The following ABCA13 variants were observed in gnomAD, a reference collection of about 807,000 sequenced individuals.
The protein encoded by ABCA13 is ATP-binding cassette sub-family A member 13.
In ABCA13, 476 loss-of-function variants were observed where a neutral mutation model predicts 478.7. The ratio of observed to expected loss-of-function variants is 0.99; its 90% CI spans 0.92 to 1.07. The LOEUF (loss-of-function observed/expected upper bound fraction) is 1.07. Among genes scored for constraint, ABCA13 ranks in the 50% least tolerant of loss-of-function variants. The pLI is 0.00. For missense variants in ABCA13, 6,060 were observed against 5,910.6 expected (o/e 1.03, Z -0.83); for synonymous variants, 2,252 against 2,158.9 (o/e 1.04, Z -1.20).
chr7:48,626,559 A>G, intron 59 of ABCA13: 1 of 943,654 alleles, frequency 1.1e-6, no homozygotes, highest in Non-Finnish European at 1.3e-6. Flanking sequence ...AAGAAACAGG[A>G]GAATAACTGG....
In ABCA13 at chr7:48,644,763, T is replaced by C. The variant is rs758226686; in HGVS notation, c.15081+9T>C. 5.1e-6 allele frequency: 8 copies of C among 1,577,532 alleles called. No individual in the cohort carries two copies. Among genetic ancestry groups the C allele is most frequent in the South Asian group, 2.4e-5 (2 of 81,876 alleles). Reference sequence around the variant, plus strand: ...AAACCACTTTGGAGCAGGTATAGTATCTTGAATGATTCAGGAGGTTGAATT... The same window carrying C: ...AAACCACTTTGGAGCAGGTATAGTACCTTGAATGATTCAGGAGGTTGAATT... On this transcript the variant is annotated intron_variant, in intron 61 of 61. Transcript: ENST00000435803.
intron 35 of ABCA13, among the ~76,000 whole-genome samples, chr7:48,379,544 A>C (rs570585859): frequency 2.6e-5 from 4 of 152,326 alleles, no homozygotes; most frequent in Non-Finnish European, 5.9e-5. Context: ...ATGCATCGGA[A>C]CACAGAATGA....
At chr7:48,546,122 A>G (rs1585763307) in intron 55 of ABCA13, among the ~76,000 whole-genome samples, 1 of 151,934 alleles carries the variant, frequency 6.6e-6, no homozygotes, top group African/African-American at 2.4e-5. Flanking sequence ...AGGTCACCAC[A>G]AAGTAAGAAA....
chr7:48,291,788 A>G (rs1236257848), intron 20 of ABCA13, among the ~76,000 whole-genome samples: 1 of 151,978 alleles, frequency 6.6e-6, no homozygotes, highest in Non-Finnish European at 1.5e-5. Flanking sequence ...ACACCACTCC[A>G]CCTGCTCAGT....
At chr7:48,609,322 A>G (rs1337146815) in intron 58 of ABCA13, among the ~76,000 whole-genome samples, 3 of 152,122 alleles carry the variant, frequency 2.0e-5, no homozygotes, top group Non-Finnish European at 4.4e-5. Context: ...ATATATATTC[A>G]TTTCCATAAA....
At chr7:48,560,842 A>T (rs897269510) in intron 55 of ABCA13, among the ~76,000 whole-genome samples, 3 of 152,132 alleles carry the variant, frequency 2.0e-5, no homozygotes, top group African/African-American at 7.2e-5. Flanking sequence ...GTATGCTTTG[A>T]CTATTATCTT....
intron 1 of ABCA13, among the ~76,000 whole-genome samples, chr7:48,191,135 C>G (rs1797051299): frequency 6.6e-6 from 1 of 152,192 alleles, no homozygotes; most frequent in Admixed American, 6.5e-5. Context: ...CCCACCACCT[C>G]CCTACCCCAA....
rs781046236 is a variant in ABCA13, at chr7:48,276,022, T to C, written c.6356T>C (p.Ile2119Thr). Residue 2119 changes from isoleucine to threonine, a missense_variant, in exon 17 of 62, where the codon ATT (isoleucine) becomes ACT (threonine). By Grantham distance (89) the Ile-to-Thr change is moderately conservative. Transcript: ENST00000435803. Reference sequence around the variant, plus strand: ...CCGTCATTGAAGACATTAGAAATTATTGAAGATTTTCTATTGGTCACAAAA... The same window carrying C: ...CCGTCATTGAAGACATTAGAAATTACTGAAGATTTTCTATTGGTCACAAAA... ...DSPSLKTLEI[I>T]EDFLLVTKNW... 3 of 1,610,902 alleles carry C rather than the reference T, an allele frequency of 1.9e-6. No homozygotes were observed. Among genetic ancestry groups the C allele is most frequent in the African/African-American group, 1.3e-5 (1 of 75,030 alleles).
chr7:48,633,955 G>A (rs546153416), intron 59 of ABCA13, among the ~76,000 whole-genome samples: 1 of 151,876 alleles, frequency 6.6e-6, no homozygotes, highest in African/African-American at 2.4e-5. Context: ...TAGATAGATA[G>A]ATAGATAGAT....
intron 35 of ABCA13, among the ~76,000 whole-genome samples, chr7:48,386,408 A>G (rs1396140051): frequency 1.3e-5 from 2 of 152,234 alleles, no homozygotes; most frequent in African/African-American, 4.8e-5. Flanking sequence ...CATGGAACTA[A>G]AAAGGAGCCC....
chr7:48,511,762 GTCT>G, intron 51 of ABCA13, among the ~76,000 whole-genome samples: 1 of 152,138 alleles, frequency 6.6e-6, no homozygotes, highest in Non-Finnish European at 1.5e-5. Context: ...GGATATATAT[GTCT>G]TCTTATTTGT....
chr7:48,363,018 T>A (rs945411306), intron 31 of ABCA13, among the ~76,000 whole-genome samples: 3 of 152,202 alleles, frequency 2.0e-5, no homozygotes, highest in Non-Finnish European at 4.4e-5. Context: ...ATCTGTCTTG[T>A]AACCTTAATT....
At chr7:48,391,883 A>C in intron 37 of ABCA13, 38 bp from the exon 38 acceptor site, 14 of 1,556,420 alleles carry the variant, frequency 9.0e-6, no homozygotes, top group Non-Finnish European at 1.2e-5. Context: ...CAGTATCAGC[A>C]ACGCGTATTC....
chr7:48,449,769 C>T (rs1824756970), intron 42 of ABCA13, among the ~76,000 whole-genome samples: 1 of 152,220 alleles, frequency 6.6e-6, no homozygotes, highest in African/African-American at 2.4e-5. Context: ...TGAAATCCAG[C>T]ATTATGACTG....
intron 31 of ABCA13, 122 bp downstream of exon 31, chr7:48,352,609 C>G (rs1261943426): frequency 8.5e-7 from 1 of 1,170,644 alleles, no homozygotes; most frequent in East Asian, 2.6e-5. Context: ...AGTTCACCCC[C>G]CACTTTTTAA....
At chr7:48,306,515 C>A (rs1459111913) in intron 23 of ABCA13, among the ~76,000 whole-genome samples, 3 of 152,170 alleles carry the variant, frequency 2.0e-5, no homozygotes, top group Non-Finnish European at 4.4e-5. Flanking sequence ...CAAAGAGAGG[C>A]TCCTCTTGTG....
chr7:48,561,327 C>G, intron 55 of ABCA13, among the ~76,000 whole-genome samples: 1 of 152,006 alleles, frequency 6.6e-6, no homozygotes, highest in East Asian at 1.9e-4. Flanking sequence ...TATACTTTCT[C>G]TTTCATAATG....
chr7:48,441,672 C>T (rs17662275), intron 42 of ABCA13, among the ~76,000 whole-genome samples: 45,275 of 151,950 alleles, frequency 0.3, 6,827 homozygotes, highest in East Asian at 0.38. Context: ...TTATTAGCTG[C>T]CTGAAGTGGA....
chr7:48,235,147 G>C (rs1789757968), intron 8 of ABCA13, among the ~76,000 whole-genome samples: 1 of 152,116 alleles, frequency 6.6e-6, no homozygotes, highest in African/African-American at 2.4e-5. Flanking sequence ...GTAGGTTTAG[G>C]CTTCACCAAA....
Sources: gnomAD v4.1 joint callset for allele counts (sites outside exome capture counted in the v4.1 genomes callset) on GRCh38, gnomAD v4.1.1 for gene constraint, MANE v1.5 for transcripts, NCBI Gene and HGNC (gene_info 2026-07-23, HGNC 2026-07-21) for gene names.